The following CTNND2 variants were observed in gnomAD, a reference collection of about 807,000 sequenced individuals.
CTNND2 encodes catenin delta 2, also known as catenin delta-2.
A neutral mutation model predicts 144.4 loss-of-function variants in CTNND2; 22 were observed. The ratio of observed to expected loss-of-function variants is 0.15; its 90% CI spans 0.11 to 0.22. The LOEUF is 0.22. Ranked by LOEUF, CTNND2 falls within the 10% of genes least tolerant of loss-of-function variation. CTNND2 has a pLI of 1.00. For missense variants in CTNND2, 1,353 were observed against 1,618.8 expected (o/e 0.84, Z 2.82); for synonymous variants, 751 against 695.6 (o/e 1.08, Z -1.25).
At chr5:11,240,303 CACACATACACCCAACACACACACACCCA>C (rs1233776819) in intron 9 of CTNND2, among the ~76,000 whole-genome samples, 17 of 103,960 alleles carry the variant, frequency 1.6e-4, no homozygotes, top group African/African-American at 4.3e-4. Context: ...ACACACCCAA[CACACATACACCCAACACACACACACCCA>C]ACACACATAC....
intron 1 of CTNND2, among the ~76,000 whole-genome samples, chr5:11,865,909 A>AAAAAAG (rs1795746618): frequency 7.1e-6 from 1 of 141,402 alleles, no homozygotes; most frequent in African/African-American, 3.0e-5. Flanking sequence ...AGACAAAAAA[A>AAAAAAG]AAAAAACGAG....
At chr5:11,188,641 T>C (rs1046112663) in intron 11 of CTNND2, among the ~76,000 whole-genome samples, 4 of 152,016 alleles carry the variant, frequency 2.6e-5, no homozygotes, top group Admixed American at 2.0e-4. Context: ...TAAAAACAAA[T>C]ACTGTATATG....
chr5:11,605,167 A>T (rs1240530858), intron 2 of CTNND2, among the ~76,000 whole-genome samples: 1 of 152,244 alleles, frequency 6.6e-6, no homozygotes, highest in African/African-American at 2.4e-5. Flanking sequence ...TGAGATGCAC[A>T]TTCATTCTCC....
intron 11 of CTNND2, among the ~76,000 whole-genome samples, chr5:11,168,198 A>C (rs1309592576): frequency 1.3e-5 from 2 of 152,100 alleles, no homozygotes; most frequent in Non-Finnish European, 2.9e-5. Context: ...TACATATCCT[A>C]GTTTCTTTAG....
At chr5:11,617,429 C>T (rs1186972002) in intron 2 of CTNND2, among the ~76,000 whole-genome samples, 1 of 152,176 alleles carries the variant, frequency 6.6e-6, no homozygotes, top group Non-Finnish European at 1.5e-5. Context: ...GTTTTGCCTT[C>T]TATGTTGCCA....
chr5:11,748,955 G>C (rs1473266770), intron 1 of CTNND2, among the ~76,000 whole-genome samples: 1 of 151,990 alleles, frequency 6.6e-6, no homozygotes, highest in Non-Finnish European at 1.5e-5. Context: ...CTTCCCTATT[G>C]ATCTCTCTTT....
At chr5:11,213,486 T>C (rs1561031032) in intron 10 of CTNND2, among the ~76,000 whole-genome samples, 1 of 152,214 alleles carries the variant, frequency 6.6e-6, no homozygotes, top group Non-Finnish European at 1.5e-5. Context: ...ATGATTTATT[T>C]AATGGTGCTG....
intron 3 of CTNND2, among the ~76,000 whole-genome samples, chr5:11,429,521 T>C (rs1409253478): frequency 6.6e-6 from 1 of 152,176 alleles, no homozygotes; most frequent in Non-Finnish European, 1.5e-5. Context: ...CAGGACATTC[T>C]TCATTTTTAA....
intron 3 of CTNND2, among the ~76,000 whole-genome samples, chr5:11,472,422 T>C (rs1303409891): frequency 1.3e-5 from 2 of 152,206 alleles, no homozygotes; most frequent in Non-Finnish European, 2.9e-5. Context: ...CCCATTGATT[T>C]TTCCAGACAA....
At chr5:11,895,679 C>A (rs1737336283) in intron 1 of CTNND2, among the ~76,000 whole-genome samples, 1 of 151,930 alleles carries the variant, frequency 6.6e-6, no homozygotes, top group South Asian at 2.1e-4. Flanking sequence ...AAAATAGGAA[C>A]CAATAAAATG....
intron 9 of CTNND2, among the ~76,000 whole-genome samples, chr5:11,245,368 C>G (rs1001266881): frequency 2.0e-5 from 3 of 152,150 alleles, no homozygotes; most frequent in Non-Finnish European, 4.4e-5. Flanking sequence ...GATTCAGTAT[C>G]CTGAGATGGG....
At chr5:11,794,589 T>G (rs553538557) in intron 1 of CTNND2, among the ~76,000 whole-genome samples, 1 of 152,242 alleles carries the variant, frequency 6.6e-6, no homozygotes, top group Non-Finnish European at 1.5e-5. Context: ...ATTTACAATA[T>G]GAAAGCATAA....
At chr5:11,068,935 A>G (rs1199036053) in intron 16 of CTNND2, among the ~76,000 whole-genome samples, 1 of 152,156 alleles carries the variant, frequency 6.6e-6, no homozygotes, top group Non-Finnish European at 1.5e-5. Context: ...AAACAACAAC[A>G]AAAAAATAAG....
At chr5:11,747,961 G>A (rs1056797057) in intron 1 of CTNND2, among the ~76,000 whole-genome samples, 2 of 152,086 alleles carry the variant, frequency 1.3e-5, no homozygotes, top group Non-Finnish European at 2.9e-5. Context: ...GAAGCTCAAT[G>A]ACACATCTAG....
At chr5:11,694,173 T>C (rs952482180) in intron 2 of CTNND2, among the ~76,000 whole-genome samples, 6 of 152,158 alleles carry the variant, frequency 3.9e-5, no homozygotes, top group Non-Finnish European at 8.8e-5. Flanking sequence ...CGGTGGCTCA[T>C]GCCTGTAATC....
intron 3 of CTNND2, among the ~76,000 whole-genome samples, chr5:11,520,648 G>A (rs1376410849): frequency 6.6e-6 from 1 of 152,198 alleles, no homozygotes; most frequent in Non-Finnish European, 1.5e-5. Context: ...GAGTCCTCCA[G>A]GATGCTGCCT....
chr5:11,467,405 C>T (rs182719542), intron 3 of CTNND2, among the ~76,000 whole-genome samples: 6 of 152,168 alleles, frequency 3.9e-5, no homozygotes, highest in Non-Finnish European at 5.9e-5. Context: ...TTGCTTATGT[C>T]GGAGGCTGAG....
At chr5:11,627,907 T>C (rs565663028) in intron 2 of CTNND2, among the ~76,000 whole-genome samples, 2 of 151,396 alleles carry the variant, frequency 1.3e-5, no homozygotes, top group South Asian at 4.2e-4. Flanking sequence ...CCTAGATCCC[T>C]CACATGTGAA....
intron 16 of CTNND2, among the ~76,000 whole-genome samples, chr5:11,070,897 G>C (rs1469001509): frequency 5.3e-5 from 8 of 151,804 alleles, no homozygotes; most frequent in Admixed American, 5.2e-4. Flanking sequence ...AAGAGGACGT[G>C]AAATAAAATG....
Sources: gnomAD v4.1 joint callset for allele counts (sites outside exome capture counted in the v4.1 genomes callset) on GRCh38, gnomAD v4.1.1 for gene constraint, MANE v1.5 for transcripts, NCBI Gene and HGNC (gene_info 2026-07-23, HGNC 2026-07-21) for gene names.